The following AKAP13 variants were observed in gnomAD, a reference collection of about 807,000 sequenced individuals.
AKAP13 encodes the protein A-kinase anchoring protein 13, also known as A-kinase anchor protein 13.
In AKAP13, 80 loss-of-function variants were observed where a neutral mutation model predicts 264.5. That is an observed-to-expected ratio of 0.30 (90% CI 0.25 to 0.36). The LOEUF is 0.36. Among genes scored for constraint, AKAP13 ranks in the 10% least tolerant of loss-of-function variants. The pLI, the probability that AKAP13 is intolerant of heterozygous loss-of-function variation, is 1.00. For synonymous variants in AKAP13, 1,380 were observed against 1,250.2 expected (o/e 1.10, Z -2.19); for missense variants, 3,712 against 3,435.2 (o/e 1.08, Z -2.01).
chr15:85,562,184 T>C (rs2078405064), intron 5 of AKAP13, among the ~76,000 whole-genome samples: 1 of 152,208 alleles, frequency 6.6e-6, no homozygotes. Flanking sequence ...AAGCAGTTGA[T>C]AAATATTAAC....
intron 5 of AKAP13, among the ~76,000 whole-genome samples, chr15:85,548,876 C>G (rs538376585): frequency 1.4e-5 from 2 of 147,954 alleles, no homozygotes; most frequent in East Asian, 3.9e-4. Context: ...TTGGGTGATT[C>G]ACTTAACCTC....
At chr15:85,673,523 C>G (rs2084031725) in intron 14 of AKAP13, among the ~76,000 whole-genome samples, 1 of 152,102 alleles carries the variant, frequency 6.6e-6, no homozygotes, top group Non-Finnish European at 1.5e-5. Flanking sequence ...CATTTCTCCT[C>G]CTTGCATCAG....
intron 1 of AKAP13, among the ~76,000 whole-genome samples, chr15:85,458,452 A>G (rs1596245858): frequency 7.8e-6 from 1 of 128,466 alleles, no homozygotes; most frequent in Non-Finnish European, 1.6e-5. Flanking sequence ...TTTAGTTATC[A>G]CTTTACATTG....
chr15:85,546,321 A>AACACACACACACACACACACACAC (rs60271542), intron 5 of AKAP13, among the ~76,000 whole-genome samples: 34 of 145,282 alleles, frequency 2.3e-4, no homozygotes, highest in Middle Eastern at 3.5e-3. Flanking sequence ...GTTGTTACCA[A>AACACACACACACACACACACACAC]ACACACACAC....
At chr15:85,684,927 G>A (rs2084808234) in intron 16 of AKAP13, 54 bp downstream of exon 16, 2 of 1,559,266 alleles carry the variant, frequency 1.3e-6, no homozygotes, top group Non-Finnish European at 1.7e-6. Context: ...TCCTGTCACA[G>A]CCTGCATTCA....
intron 3 of AKAP13, among the ~76,000 whole-genome samples, chr15:85,530,041 A>T (rs756683745): frequency 6.6e-6 from 1 of 152,128 alleles, no homozygotes; most frequent in African/African-American, 2.4e-5. Flanking sequence ...CTTCTCGGTT[A>T]TACAGTTTGA....
chr15:85,459,677 T>G (rs1402867197), intron 1 of AKAP13, among the ~76,000 whole-genome samples: 1 of 152,054 alleles, frequency 6.6e-6, no homozygotes, highest in Non-Finnish European at 1.5e-5. Context: ...TTTTTTGTAT[T>G]TTTAGTAGAG....
intron 1 of AKAP13, among the ~76,000 whole-genome samples, chr15:85,465,867 C>A (rs1485574714): frequency 3.4e-5 from 5 of 146,294 alleles, no homozygotes; most frequent in South Asian, 2.2e-4. Flanking sequence ...GGTATATACC[C>A]AGTAATGGGA....
rs765962226 is a variant in AKAP13, at chr15:85,580,704, C to T, written c.2636C>T (p.Ala879Val). 1.9e-6 allele frequency: 3 copies of T among 1,614,070 alleles called. No homozygotes were observed. The African/African-American group carries it at 4.0e-5, about 22-fold the overall frequency. Residue 879 changes from alanine (A) to valine (V), a missense_variant, in exon 7 of 37, where the codon GCA (alanine) becomes GTA (valine). Coordinates refer to ENST00000394518, the MANE Select transcript of AKAP13 (RefSeq NM_007200.5). ...GAGCATGAGGGTCCCGCCCCTCCAG[C>T]AATCCCAGAAGCTCTGAATATCAAG... ...GGEHEGPAPP[A>V]IPEALNIKGN... is the part of the protein sequence containing the mutation.
At chr15:85,619,282 G>A (rs1175310348) in intron 8 of AKAP13, 1 of 823,734 alleles carries the variant, frequency 1.2e-6, no homozygotes, top group Non-Finnish European at 1.5e-6. Context: ...CGGGTGCGGA[G>A]CTGAAAGGGC....
intron 1 of AKAP13, among the ~76,000 whole-genome samples, chr15:85,402,999 T>C (rs1414375503): frequency 6.6e-6 from 1 of 152,250 alleles, no homozygotes; most frequent in African/African-American, 2.4e-5. Context: ...ATTAGCAACG[T>C]TCATTGTTCT....
chr15:85,399,537 AATAAAT>A lies in AKAP13; in HGVS notation c.-12+18741_-12+18746del, dbSNP rs2071320099. Among the ~76,000 whole-genome samples, 213 of 103,826 alleles carry A rather than the reference AATAAAT, an allele frequency of 2.1e-3. 3 individuals are homozygous for A. The highest frequency in any genetic ancestry group is 5.4e-3 in the African/African-American group (166 of 30,466). 68.1% of individuals were successfully genotyped at this position (103,826 alleles called of 152,430 possible). Reference sequence around the variant, plus strand: ...AAAAAAAAAAATAAAAAAATAAAAAAATAAATAAATAAATAAATAAAGTTTTAGATG... The same window carrying A: ...AAAAAAAAAAATAAAAAAATAAAAAAAAATAAATAAATAAAGTTTTAGATG... On this transcript the variant is annotated intron_variant, in intron 1 of 36. Transcript: ENST00000394518.
intron 9 of AKAP13, among the ~76,000 whole-genome samples, chr15:85,645,085 A>T (rs1596869918): frequency 6.6e-6 from 1 of 152,246 alleles, no homozygotes; most frequent in African/African-American, 2.4e-5. Flanking sequence ...ATGTCACCGT[A>T]GTACAGCCTG....
chr15:85,673,425 G>A (rs964497426), intron 14 of AKAP13, among the ~76,000 whole-genome samples: 4 of 152,100 alleles, frequency 2.6e-5, no homozygotes, highest in East Asian at 1.9e-4. Context: ...TTAGGGGGTC[G>A]CAGTAGCACA....
chr15:85,667,834 A>G (rs1353472163), intron 13 of AKAP13, among the ~76,000 whole-genome samples: 1 of 152,148 alleles, frequency 6.6e-6, no homozygotes, highest in African/African-American at 2.4e-5. Flanking sequence ...TTTATGTGAT[A>G]CCTTTTCTAA....
At chr15:85,388,287 C>T (rs1229095262) in intron 1 of AKAP13, among the ~76,000 whole-genome samples, 4 of 151,996 alleles carry the variant, frequency 2.6e-5, no homozygotes, top group Admixed American at 6.6e-5. Flanking sequence ...ACAAGTGATC[C>T]GCCAGCCTCA....
At chr15:85,713,698 G>A (rs1342614606) in intron 19 of AKAP13, among the ~76,000 whole-genome samples, 2 of 152,156 alleles carry the variant, frequency 1.3e-5, no homozygotes, top group Non-Finnish European at 2.9e-5. Context: ...CTTGTAAATA[G>A]AATTTGAATT....
intron 1 of AKAP13, among the ~76,000 whole-genome samples, chr15:85,467,913 G>A (rs1467894697): frequency 6.6e-6 from 1 of 152,204 alleles, no homozygotes; most frequent in Non-Finnish European, 1.5e-5. Flanking sequence ...CTCAAGTGTT[G>A]ACGGAGGCAG....
At chr15:85,445,868 T>C (rs1407172354) in intron 1 of AKAP13, among the ~76,000 whole-genome samples, 1 of 152,206 alleles carries the variant, frequency 6.6e-6, no homozygotes, top group Non-Finnish European at 1.5e-5. Context: ...TACATTTTTA[T>C]GGGGTACATG....
Sources: gnomAD v4.1 joint callset for allele counts (sites outside exome capture counted in the v4.1 genomes callset) on GRCh38, gnomAD v4.1.1 for gene constraint, MANE v1.5 for transcripts, NCBI Gene and HGNC (gene_info 2026-07-23, HGNC 2026-07-21) for gene names.